Variants in SMIM13 observed in about 807,000 individuals in gnomAD.
SMIM13 encodes small integral membrane protein 13.
A neutral mutation model predicts 5.9 loss-of-function variants in SMIM13; 3 were observed. That is an observed-to-expected ratio of 0.51 (90% CI 0.23 to 1.31). SMIM13 has a LOEUF of 1.31. Among genes scored for constraint, SMIM13 ranks in the 40% most tolerant of loss-of-function variants. The probability of loss-of-function intolerance (pLI) is 0.18; values close to 1 mark genes in which losing one functional copy is unlikely to be tolerated. For missense variants in SMIM13, 85 were observed against 109.9 expected (o/e 0.77, Z 1.01); for synonymous variants, 55 against 46.0 (o/e 1.19, Z -0.79).
chr6:11,133,377 T>A (rs1030549320), intron 1 of SMIM13, among the ~76,000 whole-genome samples: 5 of 152,152 alleles, frequency 3.3e-5, no homozygotes, highest in Non-Finnish European at 5.9e-5. Flanking sequence ...AGTAATTTTT[T>A]TTCCAGAGAT....
rs145297323 is a variant in SMIM13, at chr6:11,133,796, AAT to A, written c.77-604_77-603del. 9.5e-3 allele frequency among the ~76,000 whole-genome samples: 1,438 copies of A among 152,096 alleles called. 24 individuals are homozygous for A. Among genetic ancestry groups the A allele is most frequent in the African/African-American group, 0.033 (1,364 of 41,484 alleles). ...TACTTTTTAATGACATTGATGTGAA[AAT>A]ATCGTATTTTAAAAATCTGTGTTTT... On this transcript the variant is annotated intron_variant, in intron 1 of 1. Coordinates refer to ENST00000416247, the MANE Select transcript of SMIM13 (RefSeq NM_001135575.2).
chr6:11,098,881 A>C (rs541827468), intron 1 of SMIM13, among the ~76,000 whole-genome samples: 15 of 152,312 alleles, frequency 9.8e-5, no homozygotes, highest in Middle Eastern at 3.4e-3. Flanking sequence ...TATTCCTAAT[A>C]TGTTCATAAG....
intron 1 of SMIM13, among the ~76,000 whole-genome samples, chr6:11,118,059 T>C (rs932522552): frequency 6.6e-5 from 10 of 152,156 alleles, no homozygotes; most frequent in African/African-American, 2.2e-4. Flanking sequence ...TTAGTAGAGA[T>C]GGGGTTTCGC....
intron 1 of SMIM13, chr6:11,104,913 T>C (rs1312907949): frequency 6.2e-7 from 1 of 1,614,214 alleles, no homozygotes; most frequent in Admixed American, 1.7e-5. Context: ...ATTTGTTCCA[T>C]TTTTCCTTTT....
chr6:11,122,945 A>T (rs1311987115), intron 1 of SMIM13, among the ~76,000 whole-genome samples: 3 of 152,130 alleles, frequency 2.0e-5, no homozygotes, highest in Non-Finnish European at 4.4e-5. Context: ...GTGGCAGCTC[A>T]CACCTGTAAT....
Position 11,135,175 on chromosome 6 carries a change from A to G in SMIM13, c.*573A>G, listed in dbSNP as rs1053601350. 2 of 152,608 alleles carry G rather than the reference A, an allele frequency of 1.3e-5. No homozygotes were observed. Among genetic ancestry groups the G allele is most frequent in the Non-Finnish European group, 2.9e-5 (2 of 68,042 alleles). 9.5% of individuals were successfully genotyped at this position (152,608 alleles called of 1,614,324 possible). On this transcript the variant is annotated 3_prime_UTR_variant, in exon 2 of 2. Coordinates refer to ENST00000416247, the MANE Select transcript of SMIM13 (RefSeq NM_001135575.2). ...ACGAAAAGTTATTGTGTATGCAGAAAAGCATGGAAACAGAGCAGCAGGGCG... is the reference window on the plus strand; with the variant it reads ...ACGAAAAGTTATTGTGTATGCAGAAGAGCATGGAAACAGAGCAGCAGGGCG...
At chr6:11,116,828 TC>T (rs1274211783) in intron 1 of SMIM13, among the ~76,000 whole-genome samples, 3 of 152,222 alleles carry the variant, frequency 2.0e-5, no homozygotes, top group Admixed American at 1.3e-4. Flanking sequence ...ATATTCTGTT[TC>T]ATTGGTTTAT....
intron 1 of SMIM13, chr6:11,104,014 CCAAA>C (rs1449377607): frequency 6.4e-7 from 1 of 1,551,566 alleles, no homozygotes; most frequent in Admixed American, 2.0e-5. Flanking sequence ...TCATCTAAGG[CCAAA>C]CAAATTCCTC....
At chr6:11,134,174 C>T (rs1027628572) in intron 1 of SMIM13, among the ~76,000 whole-genome samples, 11 of 152,280 alleles carry the variant, frequency 7.2e-5, no homozygotes, top group Admixed American at 2.0e-4. Flanking sequence ...TAGATAGACT[C>T]AGCCCGAATT....
intron 1 of SMIM13, chr6:11,105,336 A>G (rs1758069878): frequency 6.4e-7 from 1 of 1,565,700 alleles, no homozygotes; most frequent in African/African-American, 1.4e-5. Context: ...ACTGGTCACA[A>G]AACGAGCTGC....
chr6:11,126,678 C>A (rs1443489484), intron 1 of SMIM13, among the ~76,000 whole-genome samples: 1 of 148,352 alleles, frequency 6.7e-6, no homozygotes, highest in African/African-American at 2.5e-5. Flanking sequence ...GGTCTTGATA[C>A]TTCTGGATGT....
intron 1 of SMIM13, among the ~76,000 whole-genome samples, chr6:11,129,178 C>T (rs1758419213): frequency 6.6e-6 from 1 of 152,026 alleles, no homozygotes; most frequent in Non-Finnish European, 1.5e-5. Context: ...CTCTTTTCAT[C>T]CGCTCCCCAC....
chr6:11,122,906 A>C (rs2113662356), intron 1 of SMIM13, among the ~76,000 whole-genome samples: 1 of 152,058 alleles, frequency 6.6e-6, no homozygotes, highest in East Asian at 1.9e-4. Flanking sequence ...CCCCTCTTAA[A>C]TCTCAAAAAA....
In SMIM13 at chr6:11,104,390, T is replaced by C. The variant is rs1233296233; in HGVS notation, c.76+10001T>C. 5.8e-6 allele frequency: 9 copies of C among 1,551,622 alleles called. No individual in the cohort carries two copies. The Admixed American group carries it at 1.4e-4, about 24-fold the overall frequency. On this transcript the variant is annotated intron_variant, in intron 1 of 1. Transcript: ENST00000416247. ...TTCCAGTCCAGTTACTGGGGAGGCA[T>C]TGGTGAATCGACTGGCCACAAATAT...
At chr6:11,116,693 TATTG>T (rs1758244111) in intron 1 of SMIM13, among the ~76,000 whole-genome samples, 3 of 152,194 alleles carry the variant, frequency 2.0e-5, no homozygotes, top group Admixed American at 2.0e-4. Flanking sequence ...TAGGATCTGA[TATTG>T]ATTATTTGTG....
intron 1 of SMIM13, among the ~76,000 whole-genome samples, chr6:11,113,730 C>A (rs919211782): frequency 6.6e-6 from 1 of 152,096 alleles, no homozygotes; most frequent in Non-Finnish European, 1.5e-5. Flanking sequence ...GCATGTGCCA[C>A]CATACCTAGC....
chr6:11,103,074 A>G (rs915497160), intron 1 of SMIM13: 1 of 152,164 alleles, frequency 6.6e-6, no homozygotes, highest in Non-Finnish European at 1.5e-5. Flanking sequence ...GCCTGCCAGC[A>G]CTTGGGAGGG....
rs559988380 is a variant in SMIM13 at position 11,115,193 on chromosome 6, G to A, written c.77-19210G>A. Among the ~76,000 whole-genome samples, 49 of 152,282 alleles carry A rather than the reference G, an allele frequency of 3.2e-4. No individual in the cohort carries two copies. In the South Asian group the frequency reaches 0.01, roughly 32 times the overall value. The stretch of plus-strand genomic sequence containing the variant: ...TTTTTGGAAGCATTTACATACAATT[G>A]CTATATTGGTTTTCTATTGCTGCAT... On this transcript the variant is annotated intron_variant, in intron 1 of 1. Transcript: ENST00000416247.
At chr6:11,108,307 T>G (rs753491556) in intron 1 of SMIM13, among the ~76,000 whole-genome samples, 9 of 152,222 alleles carry the variant, frequency 5.9e-5, no homozygotes, top group Non-Finnish European at 1.0e-4. Flanking sequence ...ACAGTCCTAC[T>G]GGGCACATCC....
Sources: allele counts gnomAD v4.1 joint callset (sites outside exome capture counted in the v4.1 genomes callset), GRCh38; gene constraint gnomAD v4.1.1; transcripts MANE v1.5; gene names NCBI Gene and HGNC (gene_info 2026-07-23, HGNC 2026-07-21).